CSMD1: variants seen among roughly 807,000 people sequenced by gnomAD.
CSMD1 encodes the protein CUB and sushi domain-containing protein 1.
In CSMD1, 213 loss-of-function variants were observed where a neutral mutation model predicts 417.5. The ratio of observed to expected loss-of-function variants is 0.51; its 90% CI spans 0.46 to 0.57. The LOEUF (loss-of-function observed/expected upper bound fraction) is 0.57. Among genes scored for constraint, CSMD1 ranks in the 20% least tolerant of loss-of-function variants. The probability of loss-of-function intolerance (pLI) is 0.00; values close to 1 mark genes in which losing one functional copy is unlikely to be tolerated. For missense variants in CSMD1, 6,923 were observed against 4,529.7 expected (o/e 1.53, Z -15.17); for synonymous variants, 2,862 against 1,736.8 (o/e 1.65, Z -16.11).
At chr8:4,176,616 AT>A (rs1206615067) in intron 3 of CSMD1, among the ~76,000 whole-genome samples, 1 of 5,062 alleles carries the variant, frequency 2.0e-4, no homozygotes, top group African/African-American at 2.2e-4. Context: ...ATTCTAATCC[AT>A]AAAAGACACA....
chr8:3,869,743 G>T (rs1805354210), intron 5 of CSMD1, among the ~76,000 whole-genome samples: 1 of 152,080 alleles, frequency 6.6e-6, no homozygotes, highest in Admixed American at 6.5e-5. Flanking sequence ...CCCAGCAGAA[G>T]CACTAGCAGG....
Position 4,626,225 on chromosome 8 carries a change from C to T in CSMD1, c.302+11117G>A, listed in dbSNP as rs1019847401. On this transcript the variant is annotated intron_variant, in intron 2 of 69. Coordinates refer to ENST00000635120, the MANE Select transcript of CSMD1 (RefSeq NM_033225.6). ...CCTCTTTTGGCTGAGAGGACACAGC[C>T]TGCATGAAGCAATCCCTTGTGTTAT... Among the ~76,000 whole-genome samples the T allele has an allele frequency of 3.3e-5, 5 of 152,120 alleles. 1 individual carries two copies. The highest frequency in any genetic ancestry group is 3.3e-4 in the Admixed American group (5 of 15,268).
chr8:3,457,119 C>T (rs946628865), intron 12 of CSMD1, among the ~76,000 whole-genome samples: 5 of 151,710 alleles, frequency 3.3e-5, no homozygotes, highest in Admixed American at 3.3e-4. Flanking sequence ...ATCCCTCACC[C>T]AGGCCTCTCC....
chr8:4,929,633 T>A, intron 1 of CSMD1, among the ~76,000 whole-genome samples: 1 of 152,314 alleles, frequency 6.6e-6, no homozygotes, highest in South Asian at 2.1e-4. Flanking sequence ...ACCATTTTCA[T>A]CTGATTCAAT....
chr8:3,811,913 C>A (rs760101980), intron 5 of CSMD1, among the ~76,000 whole-genome samples: 40 of 152,084 alleles, frequency 2.6e-4, no homozygotes, highest in Admixed American at 3.3e-4. Flanking sequence ...AAAGTCTTAA[C>A]AAAGCACATA....
chr8:4,460,460 A>G (rs1180047227), intron 2 of CSMD1, among the ~76,000 whole-genome samples: 1 of 152,194 alleles, frequency 6.6e-6, no homozygotes, highest in African/African-American at 2.4e-5. Flanking sequence ...GGTAAGCAGA[A>G]TAACAAATAT....
intron 26 of CSMD1, among the ~76,000 whole-genome samples, chr8:3,255,237 C>A (rs967500677): frequency 6.6e-6 from 1 of 151,968 alleles, no homozygotes; most frequent in Admixed American, 6.6e-5. Flanking sequence ...GGAAGTTTTT[C>A]TCAGGGGTGT....
At chr8:4,684,640 G>T (rs753179921) in intron 1 of CSMD1, among the ~76,000 whole-genome samples, 1 of 152,266 alleles carries the variant, frequency 6.6e-6, no homozygotes, top group East Asian at 1.9e-4. Flanking sequence ...TTAATTGAAT[G>T]TAAGGATTAT....
chr8:3,905,458 A>G (rs916702010), intron 5 of CSMD1, among the ~76,000 whole-genome samples: 5 of 152,196 alleles, frequency 3.3e-5, no homozygotes, highest in African/African-American at 4.8e-5. Flanking sequence ...ACCCCCCAAC[A>G]CGGGTCCAAT....
chr8:3,335,971 G>C (rs1003624470), intron 23 of CSMD1, among the ~76,000 whole-genome samples: 1 of 152,080 alleles, frequency 6.6e-6, no homozygotes, highest in African/African-American at 2.4e-5. Flanking sequence ...TTTATTTTGG[G>C]CTAATTTACA....
At chr8:3,879,069 T>C (rs553031796) in intron 5 of CSMD1, among the ~76,000 whole-genome samples, 2 of 152,302 alleles carry the variant, frequency 1.3e-5, no homozygotes, top group East Asian at 3.9e-4. Context: ...GGATAGCATC[T>C]GAGTTATTCT....
chr8:4,066,812 C>T lies in CSMD1; in HGVS notation c.416-34713G>A, dbSNP rs575591619. On this transcript the variant is annotated intron_variant, in intron 3 of 69. Coordinates refer to ENST00000635120, the MANE Select transcript of CSMD1 (RefSeq NM_033225.6). ...GCAAGCTCTGCCTGTGCTCCAAAAG[C>T]GAAAGCGACAACACCCACTCACAAA... is the stretch of plus-strand genomic sequence containing the variant. 8.5e-5 allele frequency among the ~76,000 whole-genome samples: 13 copies of T among 152,272 alleles called. No individual in the cohort carries two copies. In the East Asian group the frequency reaches 9.7e-4, roughly 11 times the overall value.
At chr8:3,506,235 G>T (rs1796821767) in intron 10 of CSMD1, among the ~76,000 whole-genome samples, 1 of 152,152 alleles carries the variant, frequency 6.6e-6, no homozygotes, top group African/African-American at 2.4e-5. Flanking sequence ...GGGAGAGGGT[G>T]CAGGTGAGCC....
chr8:3,708,543 A>G (rs1585110884), intron 6 of CSMD1, 52 bp from the exon 7 acceptor site: 5 of 1,490,300 alleles, frequency 3.4e-6, no homozygotes, highest in South Asian at 2.3e-5. Context: ...AGATCATAAA[A>G]CCATGTTGTA....
At chr8:3,867,631 A>ATATATC (rs1275932227) in intron 5 of CSMD1, among the ~76,000 whole-genome samples, 12 of 152,090 alleles carry the variant, frequency 7.9e-5, no homozygotes, top group African/African-American at 2.9e-4. Context: ...CTATATATTT[A>ATATATC]TATATCTATA....
At chr8:3,711,381 A>G (rs1801501384) in intron 6 of CSMD1, among the ~76,000 whole-genome samples, 1 of 152,156 alleles carries the variant, frequency 6.6e-6, no homozygotes, top group African/African-American at 2.4e-5. Flanking sequence ...GTGGCTGTTC[A>G]TCTTCAGCCC....
At chr8:4,489,514 G>A (rs187219009) in intron 2 of CSMD1, among the ~76,000 whole-genome samples, 2 of 152,354 alleles carry the variant, frequency 1.3e-5, no homozygotes, top group Non-Finnish European at 2.9e-5. Context: ...GTTGGAATAT[G>A]TAAAGAATTA....
At chr8:3,261,027 T>G (rs893705424) in intron 26 of CSMD1, among the ~76,000 whole-genome samples, 9 of 152,258 alleles carry the variant, frequency 5.9e-5, no homozygotes, top group South Asian at 2.1e-4. Flanking sequence ...AAAAAACCTT[T>G]CACTGTAGAG....
At chr8:4,715,793 C>A (rs538843167) in intron 1 of CSMD1, among the ~76,000 whole-genome samples, 1 of 152,134 alleles carries the variant, frequency 6.6e-6, no homozygotes, top group Admixed American at 6.6e-5. Flanking sequence ...TCAAAACGAG[C>A]CCGTCCTCCT....
Sources: allele counts gnomAD v4.1 joint callset (sites outside exome capture counted in the v4.1 genomes callset), GRCh38; gene constraint gnomAD v4.1.1; transcripts MANE v1.5; gene names NCBI Gene and HGNC (gene_info 2026-07-23, HGNC 2026-07-21).